ARHGEF3: variants seen among roughly 807,000 people sequenced by gnomAD.
ARHGEF3 encodes the protein 59.8 kDA protein.
ARHGEF3 carries 28 observed loss-of-function variants against 63.2 expected under a neutral mutation model. The ratio of observed to expected loss-of-function variants is 0.44; its 90% CI spans 0.33 to 0.61. The LOEUF (loss-of-function observed/expected upper bound fraction) is 0.61, where lower values mean the gene tolerates loss of function less well. Among genes scored for constraint, ARHGEF3 ranks in the 20% least tolerant of loss-of-function variants. The pLI, the probability that ARHGEF3 is intolerant of heterozygous loss-of-function variation, is 0.03. For missense variants in ARHGEF3, 533 were observed against 659.3 expected, an observed-to-expected ratio of 0.81 and a Z score of 2.10; for synonymous variants, 266 against 254.2, an observed-to-expected ratio of 1.05 and a Z score of -0.44.
chr3:56,927,861 T>A (rs2042316694), intron 3 of ARHGEF3, among the ~76,000 whole-genome samples: 1 of 152,238 alleles, frequency 6.6e-6, no homozygotes, highest in Admixed American at 6.5e-5. Context: ...CAAGCACTGG[T>A]GCTCAATTTT....
At chr3:56,956,121 G>A (rs1194661231) in intron 3 of ARHGEF3, among the ~76,000 whole-genome samples, 1 of 152,132 alleles carries the variant, frequency 6.6e-6, no homozygotes, top group Non-Finnish European at 1.5e-5. Context: ...GGAAAATCTT[G>A]TGAGCTAGCT....
rs958761845 is a variant in ARHGEF3, at chr3:56,949,146, T to C, written c.129+9677A>G. Among the ~76,000 whole-genome samples, 6 of 151,852 alleles carry C rather than the reference T, an allele frequency of 4.0e-5. 1 individual carries two copies. The highest frequency in any genetic ancestry group is 1.5e-4 in the African/African-American group (6 of 41,246). Reference sequence around the variant, plus strand: ...ATGTATCTCAAAATAATAAGAGCTATCTATGACAAACCCACAGCCAATATC... The same window carrying C: ...ATGTATCTCAAAATAATAAGAGCTACCTATGACAAACCCACAGCCAATATC... On this transcript the variant is annotated intron_variant, in intron 3 of 12. Transcript: ENST00000338458.
chr3:56,749,157 C>T (rs1282047129), intron 6 of ARHGEF3, among the ~76,000 whole-genome samples: 2 of 152,172 alleles, frequency 1.3e-5, no homozygotes, highest in Non-Finnish European at 2.9e-5. Context: ...CTCACGAAGT[C>T]TGGCAACAAC....
At chr3:56,844,809 A>G (rs527634446) in intron 4 of ARHGEF3, among the ~76,000 whole-genome samples, 4 of 152,316 alleles carry the variant, frequency 2.6e-5, no homozygotes, top group Admixed American at 2.6e-4. Flanking sequence ...ATGGCCTCTT[A>G]AGATGTCCCC....
At chr3:56,769,869 G>C (rs530823956) in intron 2 of ARHGEF3, among the ~76,000 whole-genome samples, 2 of 152,226 alleles carry the variant, frequency 1.3e-5, no homozygotes, top group African/African-American at 2.4e-5. Context: ...CTGCAACAGA[G>C]AACCAAGCTG....
At chr3:57,018,863 G>A (rs1703129487) in intron 2 of ARHGEF3, among the ~76,000 whole-genome samples, 1 of 152,144 alleles carries the variant, frequency 6.6e-6, no homozygotes, top group Admixed American at 6.6e-5. Flanking sequence ...CTTCAGGGAA[G>A]TTAACATCCT....
At position 56,880,104 on chromosome 3, in the gene ARHGEF3, T is replaced by C. The variant is rs548723294; in HGVS notation, c.192+2188A>G. 1.3e-5 allele frequency among the ~76,000 whole-genome samples: 2 copies of C among 152,344 alleles called. 1 individual carries two copies. Among genetic ancestry groups the C allele is most frequent in the South Asian group, 4.1e-4 (2 of 4,824 alleles). ...TCTAGAATTCTTCCAACTTCTGCAATTATTATAATACTATGTGGCAATAAA... is the reference window on the plus strand; with the variant it reads ...TCTAGAATTCTTCCAACTTCTGCAACTATTATAATACTATGTGGCAATAAA... On this transcript the variant is annotated intron_variant, in intron 4 of 12. Coordinates refer to the ARHGEF3 transcript ENST00000338458.
intron 3 of ARHGEF3, among the ~76,000 whole-genome samples, chr3:56,921,999 A>C (rs1035984444): frequency 2.0e-5 from 3 of 152,168 alleles, no homozygotes; most frequent in African/African-American, 7.2e-5. Flanking sequence ...TCTCTAAACA[A>C]ATCTGAACTT....
intron 7 of ARHGEF3, among the ~76,000 whole-genome samples, chr3:56,738,326 C>T (rs1157866871): frequency 6.6e-6 from 1 of 152,126 alleles, no homozygotes; most frequent in Non-Finnish European, 1.5e-5. Flanking sequence ...GTGTGAGCCA[C>T]TGCGCCTGGC....
chr3:56,812,703 T>G (rs912043161), intron 4 of ARHGEF3, among the ~76,000 whole-genome samples: 4 of 152,244 alleles, frequency 2.6e-5, no homozygotes, highest in Admixed American at 1.3e-4. Flanking sequence ...TTGCCTGATG[T>G]TTCTGCAAGA....
intron 2 of ARHGEF3, among the ~76,000 whole-genome samples, chr3:56,967,925 ATAT>A (rs1700655962): frequency 1.4e-5 from 1 of 71,456 alleles, no homozygotes; most frequent in African/African-American, 5.6e-5. Flanking sequence ...AATATATTAT[ATAT>A]AATATAAAAT....
chr3:56,746,115 C>T (rs562354201), intron 6 of ARHGEF3, among the ~76,000 whole-genome samples: 105 of 152,328 alleles, frequency 6.9e-4, no homozygotes, highest in African/African-American at 2.5e-3. Flanking sequence ...GGCTTCTCAT[C>T]CACTTTTTCT....
chr3:56,992,903 G>T (rs539081130), intron 2 of ARHGEF3, among the ~76,000 whole-genome samples: 4 of 152,142 alleles, frequency 2.6e-5, no homozygotes, highest in Admixed American at 2.6e-4. Context: ...GCGCTATCTC[G>T]GCTCACTGCA....
At chr3:57,015,263 C>T (rs1702943551) in intron 2 of ARHGEF3, among the ~76,000 whole-genome samples, 1 of 152,226 alleles carries the variant, frequency 6.6e-6, no homozygotes, top group East Asian at 1.9e-4. Flanking sequence ...TAGAGATAAA[C>T]TTCTTACTCT....
chr3:56,909,318 G>A (rs2041790800), intron 3 of ARHGEF3, among the ~76,000 whole-genome samples: 1 of 152,252 alleles, frequency 6.6e-6, no homozygotes, highest in Non-Finnish European at 1.5e-5. Flanking sequence ...CTTAGTATGT[G>A]TGGGTGCTTG....
intron 2 of ARHGEF3, among the ~76,000 whole-genome samples, chr3:57,006,331 C>G (rs1247497929): frequency 1.3e-5 from 2 of 152,180 alleles, no homozygotes; most frequent in South Asian, 4.1e-4. Flanking sequence ...TGGAGAACCA[C>G]TACACCGACA....
At chr3:57,060,313 A>G (rs1466540048) in intron 1 of ARHGEF3, 3 of 152,318 alleles carry the variant, frequency 2.0e-5, no homozygotes, top group Admixed American at 1.3e-4. Flanking sequence ...AAAAAAAAAA[A>G]AAAAGGAACT....
intron 3 of ARHGEF3, among the ~76,000 whole-genome samples, chr3:56,926,740 C>T (rs1228123299): frequency 6.6e-6 from 1 of 152,216 alleles, no homozygotes; most frequent in Non-Finnish European, 1.5e-5. Context: ...CAGATTCCCC[C>T]AGTGTGATAA....
chr3:56,831,512 C>T (rs1436460617), intron 4 of ARHGEF3, among the ~76,000 whole-genome samples: 2 of 152,182 alleles, frequency 1.3e-5, no homozygotes, highest in South Asian at 4.1e-4. Flanking sequence ...TTCACCTCTG[C>T]CAATGCAATA....
Sources: gnomAD v4.1 joint callset for allele counts (sites outside exome capture counted in the v4.1 genomes callset) on GRCh38, gnomAD v4.1.1 for gene constraint, MANE v1.5 for transcripts, NCBI Gene and HGNC (gene_info 2026-07-23, HGNC 2026-07-21) for gene names.